TCOF1: variants seen among roughly 807,000 people sequenced by gnomAD.
TCOF1 encodes treacle protein.
Under a neutral mutation model 149.0 loss-of-function variants are expected in TCOF1, and 33 were observed. The ratio of observed to expected loss-of-function variants is 0.22; its 90% CI spans 0.17 to 0.30. The LOEUF is 0.30. Among genes scored for constraint, TCOF1 ranks in the 10% least tolerant of loss-of-function variants. The pLI is 1.00. For missense variants in TCOF1, 1,728 were observed against 1,840.7 expected (o/e 0.94, Z 1.12); for synonymous variants, 789 against 738.8 (o/e 1.07, Z -1.10).
chr5:150,368,565 C>T (rs1761866070), intron 4 of TCOF1, 151 bp from the exon 5 acceptor site: 2 of 846,208 alleles, frequency 2.4e-6, no homozygotes, highest in Non-Finnish European at 3.8e-6. Context: ...TGTTTTTAAC[C>T]TCACTTTAAA....
chr5:150,374,052 G>A lies in TCOF1; in HGVS notation c.871-122G>A, dbSNP rs950849133. ...TGGCCAAAGTATCAGTCAAGGTGGG[G>A]AGTGGGGAGGGAAGCAGGGGAGGTC... is the stretch of plus-strand genomic sequence containing the variant. On this transcript the variant is annotated intron_variant, in intron 7 of 26. Transcript: ENST00000643257. 4.7e-6 allele frequency: 5 copies of A among 1,074,248 alleles called. No homozygotes were observed. In the African/African-American group the frequency reaches 7.9e-5, roughly 17 times the overall value. The allele number at this position is 1,074,248 out of a possible 1,614,324, so 66.5% of individuals were successfully genotyped here. A position where few individuals can be genotyped will look rare whatever the true frequency, so the allele number is the denominator to read the frequency against.
In TCOF1 at chr5:150,384,752, G is replaced by A. The variant is rs1027161447; in HGVS notation, c.2860-3150G>A. 9 of 985,238 alleles carry A rather than the reference G, an allele frequency of 9.1e-6. No homozygotes were observed. In the African/African-American group the frequency reaches 1.2e-4, roughly 13 times the overall value. 61.0% of individuals were successfully genotyped at this position (985,238 alleles called of 1,614,324 possible). A position where few individuals can be genotyped will look rare whatever the true frequency, so the allele number is the denominator to read the frequency against. On this transcript the variant is annotated intron_variant, in intron 17 of 26. Transcript: ENST00000643257. ...GATTCGGGGAAGACGGGCATAGCCC[G>A]GGGAAGCTGCAGCCTCTTCCTGATT...
Position 150,393,562 on chromosome 5 carries a change from G to A in TCOF1, c.3784+10G>A. On this transcript the variant is annotated intron_variant, in intron 23 of 26. Coordinates refer to ENST00000643257, the MANE Select transcript of TCOF1 (RefSeq NM_001371623.1). ...TTGTCCCCTAAAACAGGTAAGTTAA[G>A]GTCTGCAGGAGGGACATAGCAGGAC... 1 of 1,614,162 alleles carries A rather than the reference G, an allele frequency of 6.2e-7. No individual in the cohort carries two copies. Among genetic ancestry groups the A allele is most frequent in the Non-Finnish European group, 8.5e-7 (1 of 1,180,024 alleles).
intron 3 of TCOF1, 62 bp downstream of exon 3, chr5:150,364,314 A>G (rs1760821671): frequency 6.2e-7 from 1 of 1,608,146 alleles, no homozygotes; most frequent in African/African-American, 1.3e-5. Context: ...GGTAGAGTCT[A>G]CCTCCAGCTT....
intron 5 of TCOF1, 88 bp from the exon 6 acceptor site, chr5:150,369,441 T>G: frequency 3.0e-4 from 457 of 1,505,558 alleles, no homozygotes; most frequent in Non-Finnish European, 3.9e-4. Flanking sequence ...CTGGCTTTGA[T>G]GAGCAGCTGG....
chr5:150,385,629 A>G (rs1445637752), intron 17 of TCOF1, among the ~76,000 whole-genome samples: 2 of 152,160 alleles, frequency 1.3e-5, no homozygotes, highest in African/African-American at 2.4e-5. Flanking sequence ...AGCCTAGGCC[A>G]TCAGCCCCCT....
rs112090648 is a variant in TCOF1, at chr5:150,393,233, T to C, written c.3604-139T>C. The C allele has an allele frequency of 2.4e-5, 24 of 997,830 alleles. 1 individual carries two copies. Among genetic ancestry groups the C allele is most frequent in the African/African-American group, 1.1e-4 (7 of 62,734 alleles). The allele number at this position is 997,830 out of a possible 1,614,324, so 61.8% of individuals were successfully genotyped here. A position where few individuals can be genotyped will look rare whatever the true frequency, so the allele number is the denominator to read the frequency against. On this transcript the variant is annotated intron_variant, in intron 22 of 26. Coordinates refer to ENST00000643257, the MANE Select transcript of TCOF1 (RefSeq NM_001371623.1). The stretch of plus-strand genomic sequence containing the variant: ...GCTGAAGTGCTGCTCTGTGCCTTGT[T>C]GTCCACCCACTCTGCACTGATAGGG...
chr5:150,395,162 G>T (rs1025982380), intron 23 of TCOF1, among the ~76,000 whole-genome samples: 3 of 152,246 alleles, frequency 2.0e-5, no homozygotes, highest in African/African-American at 7.2e-5. Flanking sequence ...CAGAAATCCT[G>T]GTTGGGGCTG....
intron 17 of TCOF1, chr5:150,385,226 T>C (rs1437621563): frequency 2.1e-6 from 1 of 473,354 alleles, no homozygotes. Context: ...TAGGCCCTGC[T>C]CTCAAAGTTT....
Position 150,375,531 on chromosome 5 carries a change from C to T in TCOF1, c.1681C>T (p.Pro561Ser). The part of the protein sequence containing the change: ...ESSDSSDGEV[P>S]TAVAPAQEKS... Reference sequence around the variant, plus strand: ...ATCAGACAGCAGTGATGGAGAGGTGCCCACAGCTGTGGCCCCGGCTCAGGT... The same window carrying T: ...ATCAGACAGCAGTGATGGAGAGGTGTCCACAGCTGTGGCCCCGGCTCAGGT... The change falls in exon 11 of 27, where the codon CCC becomes TCC. Residue 561 changes from proline to serine, a missense_variant. By Grantham distance (74) the Pro-to-Ser change is moderately conservative. This residue lies in a region of TCOF1 where 1,696 missense variants were observed against 1,765.4 expected (regional missense o/e 0.96). Coordinates refer to ENST00000643257, the MANE Select transcript of TCOF1 (RefSeq NM_001371623.1). The T allele has an allele frequency of 2.5e-6, 4 of 1,614,112 alleles. No individual in the cohort carries two copies. Among genetic ancestry groups the T allele is most frequent in the East Asian group, 2.2e-5 (1 of 44,884 alleles).
At chr5:150,386,521 A>G (rs951998056) in intron 17 of TCOF1, among the ~76,000 whole-genome samples, 2 of 152,104 alleles carry the variant, frequency 1.3e-5, no homozygotes, top group Non-Finnish European at 2.9e-5. Flanking sequence ...TTTCTGTTTT[A>G]CTTTTTACTT....
chr5:150,379,482 C>T (rs770147855), intron 16 of TCOF1, 50 bp from the exon 17 acceptor site: 6 of 1,613,924 alleles, frequency 3.7e-6, no homozygotes, highest in Non-Finnish European at 4.2e-6. Flanking sequence ...CCTGTCTTCT[C>T]ACACGTCCAC....
At chr5:150,383,008 T>G in intron 17 of TCOF1, 15 of 1,414,236 alleles carry the variant, frequency 1.1e-5, no homozygotes, top group Non-Finnish European at 1.4e-5. Context: ...TGTTTCCCCC[T>G]CAGCAAATGC....
chr5:150,392,431 G>A (rs2151044372), intron 21 of TCOF1: 3 of 609,762 alleles, frequency 4.9e-6, no homozygotes, highest in Non-Finnish European at 8.6e-6. Flanking sequence ...AAAACTCCAG[G>A]GCCATGTTTC....
chr5:150,387,777 CT>C, intron 17 of TCOF1, 124 bp from the exon 18 acceptor site: 1 of 1,349,074 alleles, frequency 7.4e-7, no homozygotes, highest in Admixed American at 2.0e-5. Flanking sequence ...GGAATGGCTT[CT>C]GTGCCCAGCT....
At chr5:150,358,814 G>T (rs1759299083) in intron 1 of TCOF1, among the ~76,000 whole-genome samples, 1 of 152,128 alleles carries the variant, frequency 6.6e-6, no homozygotes, top group South Asian at 2.1e-4. Flanking sequence ...TCCAGCCTGG[G>T]CGATAAAGCG....
At chr5:150,384,708 T>A in intron 17 of TCOF1, 1 of 985,496 alleles carries the variant, frequency 1.0e-6, no homozygotes, top group Non-Finnish European at 1.2e-6. Context: ...AGTCAGCGGT[T>A]TGTACATTCC....
intron 8 of TCOF1, 95 bp from the exon 9 acceptor site, chr5:150,374,522 G>A: frequency 1.3e-6 from 2 of 1,586,590 alleles, no homozygotes; most frequent in Non-Finnish European, 1.7e-6. Context: ...TCACTGTGTG[G>A]CATCATTTGC....
At chr5:150,367,775 A>G in intron 3 of TCOF1, 69 bp from the exon 4 acceptor site, 1 of 1,573,284 alleles carries the variant, frequency 6.4e-7, no homozygotes, top group South Asian at 1.1e-5. Flanking sequence ...AGGTGAGATG[A>G]AACCTGTTTG....
Sources: gnomAD v4.1 joint callset for allele counts (sites outside exome capture counted in the v4.1 genomes callset) on GRCh38, gnomAD v4.1.1 for gene constraint, gnomAD v4.1.1 regional missense constraint, MANE v1.5 for transcripts, NCBI Gene and HGNC (gene_info 2026-07-23, HGNC 2026-07-21) for gene names.